Variants in ZSCAN5A observed in about 807,000 individuals in gnomAD.
ZSCAN5A encodes the protein zinc finger and SCAN domain-containing protein 5A.
Under a neutral mutation model 23.7 loss-of-function variants are expected in ZSCAN5A, and 12 were observed. The ratio of observed to expected loss-of-function variants is 0.51; its 90% confidence interval spans 0.32 to 0.82. The LOEUF (loss-of-function observed/expected upper bound fraction) is 0.82, where lower values mean the gene tolerates loss of function less well. Ranked by LOEUF, ZSCAN5A falls within the 40% of genes least tolerant of loss-of-function variation. The pLI, the probability that ZSCAN5A is intolerant of heterozygous loss-of-function variation, is 0.03. For missense variants in ZSCAN5A, 597 were observed against 617.9 expected (o/e 0.97, Z 0.36); for synonymous variants, 257 against 239.9 (o/e 1.07, Z -0.66).
intron 1 of ZSCAN5A, among the ~76,000 whole-genome samples, chr19:56,367,540 T>C (rs1351832641): frequency 6.6e-6 from 1 of 152,184 alleles, no homozygotes; most frequent in Non-Finnish European, 1.5e-5. Context: ...AGTTGGTAAA[T>C]AGCTCAAAAC....
At chr19:56,232,778 A>C (rs1237994812) in intron 2 of ZSCAN5A, among the ~76,000 whole-genome samples, 2 of 152,076 alleles carry the variant, frequency 1.3e-5, no homozygotes, top group Non-Finnish European at 2.9e-5. Context: ...TCTCAGGCTC[A>C]AGCAATCCTC....
intron 2 of ZSCAN5A, chr19:56,321,683 T>A: frequency 7.3e-7 from 1 of 1,361,378 alleles, no homozygotes; most frequent in Non-Finnish European, 1.1e-6. Flanking sequence ...TACCAGTTTG[T>A]CCTTCTGGAG....
chr19:56,287,929 A>T (rs1392052326), intron 2 of ZSCAN5A, among the ~76,000 whole-genome samples: 1 of 152,230 alleles, frequency 6.6e-6, no homozygotes, highest in African/African-American at 2.4e-5. Context: ...GGACACTTCC[A>T]GTGTTAGCTC....
At chr19:56,293,382 A>T (rs571833135) in intron 2 of ZSCAN5A, among the ~76,000 whole-genome samples, 11 of 152,236 alleles carry the variant, frequency 7.2e-5, no homozygotes, top group African/African-American at 2.4e-4. Flanking sequence ...TGCAAACTCA[A>T]AAGTGTTCAA....
At chr19:56,237,310 C>CAAA (rs2035012679) in intron 2 of ZSCAN5A, among the ~76,000 whole-genome samples, 1 of 152,120 alleles carries the variant, frequency 6.6e-6, no homozygotes, top group South Asian at 2.1e-4. Flanking sequence ...GCGGTGCTTT[C>CAAA]AGCTGTGCAC....
At chr19:56,302,609 C>T (rs2040401202) in intron 2 of ZSCAN5A, among the ~76,000 whole-genome samples, 4 of 95,214 alleles carry the variant, frequency 4.2e-5, no homozygotes, top group South Asian at 4.1e-4. Context: ...TCTTCTTCCT[C>T]TCCCTCTTCC....
At chr19:56,307,137 C>G (rs1308821271) in intron 2 of ZSCAN5A, among the ~76,000 whole-genome samples, 1 of 130,126 alleles carries the variant, frequency 7.7e-6, no homozygotes, top group African/African-American at 2.9e-5. Context: ...GCCTCTCCCA[C>G]GTCGCCAGAG....
rs186966789 is a variant in ZSCAN5A at position 56,265,096 on chromosome 19, C to T, written c.-127-39923G>A. Among the ~76,000 whole-genome samples the T allele has an allele frequency of 1.7e-3, 251 of 151,616 alleles. 3 individuals carry two copies. The highest frequency in any genetic ancestry group is 5.8e-3 in the African/African-American group (238 of 41,338). On this transcript the variant is annotated intron_variant, in intron 2 of 5. Coordinates refer to ENST00000683990, the MANE Select transcript of ZSCAN5A (RefSeq NM_001322064.3). ...GAGATCACACCACTGCACTCCAGCC[C>T]GGGTGACAGAGTGAGACTCCATCTC...
intron 2 of ZSCAN5A, among the ~76,000 whole-genome samples, chr19:56,361,998 A>T (rs1242017038): frequency 6.6e-6 from 1 of 151,720 alleles, no homozygotes; most frequent in Admixed American, 6.6e-5. Flanking sequence ...TCTATTAAAA[A>T]ATACAAAAAA....
chr19:56,302,096 G>T lies in ZSCAN5A; in HGVS notation c.-128+11187C>A. 4 of 1,231,890 alleles carry T rather than the reference G, an allele frequency of 3.2e-6. No homozygotes were observed. The South Asian group carries it at 1.6e-4, about 51-fold the overall frequency. 76.3% of individuals were successfully genotyped at this position (1,231,890 alleles called of 1,614,324 possible). The stretch of plus-strand genomic sequence containing the variant: ...CGTATCCTACAACAAAGGGGACTGG[G>T]TAAGAAGAAGGCAGCACGGAGGGGA... On this transcript the variant is annotated intron_variant, in intron 2 of 5. Transcript: ENST00000683990.
chr19:56,245,768 TA>T (rs1159906960), intron 2 of ZSCAN5A, among the ~76,000 whole-genome samples: 4 of 152,204 alleles, frequency 2.6e-5, no homozygotes, highest in African/African-American at 9.6e-5. Flanking sequence ...GCGCACTTTC[TA>T]CAGATTGTCA....
chr19:56,223,981 G>T, intron 3 of ZSCAN5A, 147 bp from the exon 4 acceptor site: 1 of 758,782 alleles, frequency 1.3e-6, no homozygotes. Flanking sequence ...TGTGGACACA[G>T]CAATCCTGTC....
intron 2 of ZSCAN5A, among the ~76,000 whole-genome samples, chr19:56,303,912 C>A (rs554069431): frequency 6.6e-6 from 1 of 152,060 alleles, no homozygotes; most frequent in South Asian, 2.1e-4. Flanking sequence ...CACAGCAGAC[C>A]CTGAGGCAGG....
At chr19:56,267,053 G>A (rs1356635385) in intron 2 of ZSCAN5A, among the ~76,000 whole-genome samples, 2 of 32,198 alleles carry the variant, frequency 6.2e-5, no homozygotes, top group Non-Finnish European at 1.5e-4. Context: ...TGTTCCCTCT[G>A]TCTAAGCTAC....
intron 2 of ZSCAN5A, among the ~76,000 whole-genome samples, chr19:56,293,895 T>C (rs931743932): frequency 6.6e-6 from 1 of 151,630 alleles, no homozygotes; most frequent in Non-Finnish European, 1.5e-5. Flanking sequence ...CGTCTGGAGG[T>C]TGAGAAACCC....
At chr19:56,320,497 A>G (rs2041363491) in intron 2 of ZSCAN5A, 5 of 389,560 alleles carry the variant, frequency 1.3e-5, no homozygotes, top group Non-Finnish European at 2.4e-5. Flanking sequence ...CTGTAACTCC[A>G]GGTACTCGGG....
chr19:56,261,730 C>T (rs2037143548), intron 2 of ZSCAN5A, among the ~76,000 whole-genome samples: 1 of 152,102 alleles, frequency 6.6e-6, no homozygotes, highest in Non-Finnish European at 1.5e-5. Flanking sequence ...TGTTTGGAAA[C>T]ACCAAAAACT....
chr19:56,312,898 T>G (rs1339180152), intron 2 of ZSCAN5A, among the ~76,000 whole-genome samples: 1 of 152,238 alleles, frequency 6.6e-6, no homozygotes, highest in Admixed American at 6.5e-5. Context: ...AGATGGTGTT[T>G]CCACAGAAAT....
intron 2 of ZSCAN5A, among the ~76,000 whole-genome samples, chr19:56,252,230 T>G (rs918239617): frequency 6.6e-6 from 1 of 152,188 alleles, no homozygotes; most frequent in African/African-American, 2.4e-5. Context: ...GATTCTCTTA[T>G]GGTTTTCTGG....
Sources: gnomAD v4.1 joint callset for allele counts (sites outside exome capture counted in the v4.1 genomes callset) on GRCh38, gnomAD v4.1.1 for gene constraint, MANE v1.5 for transcripts, NCBI Gene and HGNC (gene_info 2026-07-23, HGNC 2026-07-21) for gene names.